TMEM117: variants seen among roughly 807,000 people sequenced by gnomAD.
TMEM117 encodes transmembrane protein 117.
Under a neutral mutation model 52.4 loss-of-function variants are expected in TMEM117, and 27 were observed. That is an observed-to-expected ratio of 0.51 (90% CI 0.38 to 0.71). The LOEUF (loss-of-function observed/expected upper bound fraction) is 0.71. TMEM117 is among the 30% of genes least tolerant of loss of function. The probability of loss-of-function intolerance (pLI) is 0.00; values close to 1 mark genes in which losing one functional copy is unlikely to be tolerated. For missense variants in TMEM117, 556 were observed against 630.5 expected (o/e 0.88, Z 1.26); for synonymous variants, 215 against 206.3 (o/e 1.04, Z -0.36).
chr12:44,216,731 T>C (rs1949723476), intron 5 of TMEM117, among the ~76,000 whole-genome samples: 1 of 152,128 alleles, frequency 6.6e-6, no homozygotes, highest in African/African-American at 2.4e-5. Context: ...CCAGGAGAAG[T>C]TGGAAAGCAA....
At chr12:44,157,299 A>G (rs112172523) in intron 4 of TMEM117, among the ~76,000 whole-genome samples, 144 of 152,226 alleles carry the variant, frequency 9.5e-4, no homozygotes, top group African/African-American at 3.2e-3. Context: ...TTTAGTAATT[A>G]TTACTTAGAG....
At chr12:43,903,111 G>T (rs1944331263) in intron 2 of TMEM117, among the ~76,000 whole-genome samples, 3 of 152,044 alleles carry the variant, frequency 2.0e-5, no homozygotes. Flanking sequence ...CTTAGAAAAA[G>T]AATAAAATAT....
At chr12:43,828,182 T>C in the TMEM117 span, among the ~76,000 whole-genome samples, 2 of 152,238 alleles carry the variant, frequency 1.3e-5, no homozygotes, top group African/African-American at 4.8e-5. Flanking sequence ...AGGAGATATA[T>C]GCTAACTTGA....
chr12:43,982,101 A>C (rs745816534), intron 3 of TMEM117, among the ~76,000 whole-genome samples: 3 of 152,252 alleles, frequency 2.0e-5, no homozygotes, highest in Non-Finnish European at 4.4e-5. Context: ...TATATGTATC[A>C]AAACACTAAA....
At chr12:43,845,083 A>G (rs953962052) in intron 2 of TMEM117, 155 bp downstream of exon 2, 12 of 768,650 alleles carry the variant, frequency 1.6e-5, no homozygotes, top group African/African-American at 1.4e-4. Context: ...GGGTTCTTCA[A>G]CTACTCTCTG....
At chr12:44,074,628 A>G (rs767830470) in intron 3 of TMEM117, among the ~76,000 whole-genome samples, 4 of 152,192 alleles carry the variant, frequency 2.6e-5, no homozygotes, top group Non-Finnish European at 5.9e-5. Flanking sequence ...TGAGGCTTTA[A>G]TTCTAGATTT....
At chr12:44,152,652 ATATT>A (rs1023329257) in intron 4 of TMEM117, among the ~76,000 whole-genome samples, 1 of 130,028 alleles carries the variant, frequency 7.7e-6, no homozygotes, top group South Asian at 2.2e-4. Context: ...TTTATATATA[ATATT>A]TATATCATAT....
At chr12:44,118,395 G>A (rs1948180578) in intron 3 of TMEM117, among the ~76,000 whole-genome samples, 1 of 152,140 alleles carries the variant, frequency 6.6e-6, no homozygotes, top group Admixed American at 6.6e-5. Context: ...AGCAGGGGAA[G>A]GATGGAAAGA....
Position 44,383,146 on chromosome 12 carries a change from G to A in TMEM117, c.899-4880G>A, listed in dbSNP as rs532314156. Among the ~76,000 whole-genome samples the A allele has an allele frequency of 1.5e-4, 23 of 152,212 alleles. No homozygotes were observed. In the South Asian group the frequency reaches 3.7e-3, roughly 25 times the overall value. ...GATGTCAAAGTCTGGCCAAGTAATC[G>A]CACCCATGTGGTAGAGAGGGGCCCA... is the stretch of plus-strand genomic sequence containing the variant. On this transcript the variant is annotated intron_variant, in intron 7 of 7. Coordinates refer to ENST00000266534, the MANE Select transcript of TMEM117 (RefSeq NM_032256.3).
At chr12:43,834,784 T>A (rs75842033), upstream of TMEM117, among the ~76,000 whole-genome samples, 5,368 of 152,208 alleles carry the variant, frequency 0.035, 215 homozygotes, top group African/African-American at 0.095. Flanking sequence ...AGAGGCATAT[T>A]TATATATATC....
chr12:44,255,171 C>T (rs1950245335), intron 5 of TMEM117, among the ~76,000 whole-genome samples: 1 of 152,128 alleles, frequency 6.6e-6, no homozygotes, highest in African/African-American at 2.4e-5. Flanking sequence ...TGGATATATA[C>T]CCAGTAATGG....
chr12:44,279,133 A>G (rs1337605479), intron 5 of TMEM117, among the ~76,000 whole-genome samples: 1 of 152,206 alleles, frequency 6.6e-6, no homozygotes, highest in Non-Finnish European at 1.5e-5. Flanking sequence ...CTTTCTCTTA[A>G]TAAGGAAATG....
At chr12:43,970,733 A>G (rs968086981) in intron 3 of TMEM117, among the ~76,000 whole-genome samples, 8 of 152,204 alleles carry the variant, frequency 5.3e-5, no homozygotes, top group Non-Finnish European at 1.0e-4. Flanking sequence ...CCATTGGTGG[A>G]CAAGAGGGGA....
intron 3 of TMEM117, among the ~76,000 whole-genome samples, chr12:44,002,482 C>G (rs963823691): frequency 6.6e-6 from 1 of 152,094 alleles, no homozygotes; most frequent in African/African-American, 2.4e-5. Context: ...CCTGAGATAC[C>G]CAGAGCCTGA....
At chr12:44,022,149 T>G (rs1946465400) in intron 3 of TMEM117, among the ~76,000 whole-genome samples, 1 of 152,214 alleles carries the variant, frequency 6.6e-6, no homozygotes, top group South Asian at 2.1e-4. Context: ...CATTATTTAG[T>G]GAAACACTAA....
chr12:44,168,864 T>G (rs941922833), intron 4 of TMEM117, among the ~76,000 whole-genome samples: 1 of 152,282 alleles, frequency 6.6e-6, no homozygotes, highest in East Asian at 1.9e-4. Context: ...TTCCTCTTTT[T>G]ATCCTCCCCT....
intron 3 of TMEM117, among the ~76,000 whole-genome samples, chr12:43,988,231 C>A (rs1314541317): frequency 6.6e-6 from 1 of 151,788 alleles, no homozygotes; most frequent in Middle Eastern, 3.4e-3. Context: ...TTGGATTCAC[C>A]TATATATTAA....
At chr12:44,341,422 C>CA in intron 6 of TMEM117, among the ~76,000 whole-genome samples, 1 of 152,236 alleles carries the variant, frequency 6.6e-6, no homozygotes, top group South Asian at 2.1e-4. Flanking sequence ...CAGTTCCATT[C>CA]ATGTTGCTGT....
At chr12:44,299,777 T>C in intron 6 of TMEM117, 38 bp downstream of exon 6, 1 of 1,610,672 alleles carries the variant, frequency 6.2e-7, no homozygotes, top group Non-Finnish European at 8.5e-7. Context: ...AGCTGCTGCA[T>C]GCTCTGTTCC....
Sources: gnomAD v4.1 joint callset for allele counts (sites outside exome capture counted in the v4.1 genomes callset) on GRCh38, gnomAD v4.1.1 for gene constraint, MANE v1.5 for transcripts, NCBI Gene and HGNC (gene_info 2026-07-23, HGNC 2026-07-21) for gene names.